HADH: variants seen among roughly 807,000 people sequenced by gnomAD.
HADH encodes hydroxyacyl-CoA dehydrogenase.
In HADH, 24 loss-of-function variants were observed where a neutral mutation model predicts 32.2. The ratio of observed to expected loss-of-function variants is 0.75; its 90% CI spans 0.54 to 1.05. The LOEUF (loss-of-function observed/expected upper bound fraction) is 1.05. Ranked by LOEUF, HADH falls within the 50% of genes least tolerant of loss-of-function variation. The pLI is 0.00. For synonymous variants in HADH, 139 were observed against 152.5 expected, an observed-to-expected ratio of 0.91 and a Z score of 0.65; for missense variants, 350 against 397.1, an observed-to-expected ratio of 0.88 and a Z score of 1.01.
rs543269183 is a variant in HADH, at chr4:108,017,026, G to T, written c.419+2438G>T. Among the ~76,000 whole-genome samples the T allele has an allele frequency of 2.0e-5, 3 of 152,318 alleles. No individual in the cohort carries two copies. In the South Asian group the frequency reaches 6.2e-4, roughly 32 times the overall value. The stretch of plus-strand genomic sequence containing the variant: ...CATGACCCATAGTCATACCAAAGAT[G>T]TGACTTTGCTGCTGACCTTCTCCAC... On this transcript the variant is annotated intron_variant, in intron 3 of 7. Coordinates refer to ENST00000309522, the MANE Select transcript of HADH (RefSeq NM_005327.7).
intron 6 of HADH, chr4:108,031,058 A>G (rs1406997070): frequency 2.0e-5 from 3 of 152,232 alleles, no homozygotes; most frequent in Admixed American, 1.3e-4. Context: ...CTGTCCTTGA[A>G]TATAGATTTC....
chr4:108,028,283 C>T (rs10026491), intron 6 of HADH: 2,999 of 168,400 alleles, frequency 0.018, 100 homozygotes, highest in African/African-American at 0.065. Flanking sequence ...CAGTTTTCCT[C>T]AGTACTTGAT....
chr4:108,019,564 T>C lies in HADH; in HGVS notation c.444T>C (p.Thr148=). ...AAEHTIFASN[T]SSLQITSIAN... ...GACATACAATCTTTGCCAGCAACACTTCCTCCTTGCAGATTACAAGCATAG... is the reference window on the plus strand; with the variant it reads ...GACATACAATCTTTGCCAGCAACACCTCCTCCTTGCAGATTACAAGCATAG... Residue 148 remains threonine, a synonymous_variant, in exon 4 of 8, where the codon ACT becomes ACC. Transcript: ENST00000309522. 6.2e-7 allele frequency: 1 copy of C among 1,613,806 alleles called. No individual in the cohort carries two copies. Among genetic ancestry groups the C allele is most frequent in the Non-Finnish European group, 8.5e-7 (1 of 1,179,668 alleles).
At chr4:107,990,224 G>C (rs918545596) in intron 1 of HADH, among the ~76,000 whole-genome samples, 160 bp downstream of exon 1, 3 of 152,188 alleles carry the variant, frequency 2.0e-5, no homozygotes, top group African/African-American at 7.2e-5. Context: ...GTCTGGGCCT[G>C]TGAGGGCCCA....
At chr4:107,994,611 G>A (rs1010425090) in intron 1 of HADH, among the ~76,000 whole-genome samples, 1 of 152,194 alleles carries the variant, frequency 6.6e-6, no homozygotes, top group African/African-American at 2.4e-5. Context: ...AGGATCACAG[G>A]AGACCAGCAG....
At chr4:108,008,041 T>G (rs1735345600) in intron 1 of HADH, among the ~76,000 whole-genome samples, 1 of 152,226 alleles carries the variant, frequency 6.6e-6, no homozygotes, top group Non-Finnish European at 1.5e-5. Flanking sequence ...TAGTGGTAGT[T>G]TATTGCAACA....
chr4:108,004,623 T>C lies in HADH; in HGVS notation c.133-5136T>C, dbSNP rs777713881. 4.8e-5 allele frequency: 72 copies of C among 1,494,270 alleles called. 1 individual carries two copies. The African/African-American group carries it at 8.9e-4, about 18-fold the overall frequency. The allele number at this position is 1,494,270 out of a possible 1,614,324, so 92.6% of individuals were successfully genotyped here. Reference sequence around the variant, plus strand: ...AACCCCAGATTTTATTCAGGAGGAGTAACTGGAAGCCATAACCATGAACTT... The same window carrying C: ...AACCCCAGATTTTATTCAGGAGGAGCAACTGGAAGCCATAACCATGAACTT... On this transcript the variant is annotated intron_variant, in intron 1 of 7. Transcript: ENST00000309522.
intron 1 of HADH, among the ~76,000 whole-genome samples, chr4:108,007,941 A>G (rs1054086864): frequency 6.6e-6 from 1 of 152,250 alleles, no homozygotes; most frequent in African/African-American, 2.4e-5. Context: ...AATGATGGCA[A>G]GGAACCTTGC....
chr4:108,003,863 G>A (rs902119981), intron 1 of HADH, among the ~76,000 whole-genome samples: 3 of 151,612 alleles, frequency 2.0e-5, no homozygotes, highest in Non-Finnish European at 2.9e-5. Flanking sequence ...GATGTGCCAG[G>A]CACCACTGCA....
intron 3 of HADH, among the ~76,000 whole-genome samples, chr4:108,016,326 G>A (rs1031555177): frequency 4.6e-5 from 7 of 152,202 alleles, no homozygotes; most frequent in Admixed American, 4.6e-4. Flanking sequence ...CCAGCTTGTC[G>A]GAATGTTAAC....
At chr4:108,027,927 C>T (rs546690686) in intron 6 of HADH, 167 bp downstream of exon 6, 1 of 658,688 alleles carries the variant, frequency 1.5e-6, no homozygotes, top group Non-Finnish European at 2.7e-6. Flanking sequence ...ACCTTTTTCA[C>T]TGTTTTCCCA....
In HADH at chr4:108,003,546, G is replaced by A. The variant is rs1735186750; in HGVS notation, c.133-6213G>A. On this transcript the variant is annotated intron_variant, in intron 1 of 7. Coordinates refer to ENST00000309522, the MANE Select transcript of HADH (RefSeq NM_005327.7). ...TGCCACCAAGTAATTTAAAGACTTT[G>A]GTGGTAAAGCAAAGGCCAGCCTCAG... is the stretch of plus-strand genomic sequence containing the variant. Among the ~76,000 whole-genome samples the A allele has an allele frequency of 2.0e-5, 3 of 152,222 alleles. No homozygotes were observed. In the South Asian group the frequency reaches 6.2e-4, roughly 32 times the overall value.
chr4:107,990,213 C>T (rs960063258), intron 1 of HADH, 149 bp downstream of exon 1: 6 of 815,034 alleles, frequency 7.4e-6, no homozygotes, highest in African/African-American at 1.7e-5. Context: ...AAATATCTCG[C>T]GTCTGGGCCT....
intron 6 of HADH, chr4:108,028,983 C>T: frequency 2.5e-6 from 1 of 398,536 alleles, no homozygotes; most frequent in Non-Finnish European, 4.4e-6. Flanking sequence ...AGGACCTGGC[C>T]TCAGGACATG....
chr4:108,032,299 T>C (rs549785649), intron 6 of HADH: 200 of 1,503,464 alleles, frequency 1.3e-4, no homozygotes, highest in Non-Finnish European at 1.7e-4. Context: ...GAAAAGCACA[T>C]TGATCCTTGT....
chr4:107,997,783 C>G (rs906018022), intron 1 of HADH, among the ~76,000 whole-genome samples: 1 of 152,052 alleles, frequency 6.6e-6, no homozygotes, highest in East Asian at 1.9e-4. Context: ...AGGAAGAGTC[C>G]TCCTCATTTG....
chr4:108,020,750 G>T (rs1397031090), intron 4 of HADH, among the ~76,000 whole-genome samples: 1 of 152,170 alleles, frequency 6.6e-6, no homozygotes, highest in African/African-American at 2.4e-5. Flanking sequence ...ATTGCCCTGC[G>T]AAGTGTGGGG....
At chr4:108,001,193 C>A (rs945830854) in intron 1 of HADH, among the ~76,000 whole-genome samples, 1 of 152,110 alleles carries the variant, frequency 6.6e-6, no homozygotes, top group Non-Finnish European at 1.5e-5. Flanking sequence ...AAAGTGTTGT[C>A]CAGAAAATGG....
At chr4:108,004,662 A>G in intron 1 of HADH, 1 of 1,519,058 alleles carries the variant, frequency 6.6e-7, no homozygotes, top group Non-Finnish European at 8.8e-7. Flanking sequence ...TATCTGTCAT[A>G]GGAAAGAGGT....
Sources: allele counts gnomAD v4.1 joint callset (sites outside exome capture counted in the v4.1 genomes callset), GRCh38; gene constraint gnomAD v4.1.1; transcripts MANE v1.5; gene names NCBI Gene and HGNC (gene_info 2026-07-23, HGNC 2026-07-21).